NUDT3: variants seen among roughly 807,000 people sequenced by gnomAD.
NUDT3 encodes nudix hydrolase 3.
A neutral mutation model predicts 23.6 loss-of-function variants in NUDT3; 9 were observed. The ratio of observed to expected loss-of-function variants is 0.38; its 90% CI spans 0.23 to 0.66. The LOEUF (loss-of-function observed/expected upper bound fraction) is 0.66, where lower values mean the gene tolerates loss of function less well. Among genes scored for constraint, NUDT3 ranks in the 30% least tolerant of loss-of-function variants. The probability of loss-of-function intolerance (pLI) is 0.52; values close to 1 mark genes in which losing one functional copy is unlikely to be tolerated. For missense variants in NUDT3, 172 were observed against 218.5 expected, an observed-to-expected ratio of 0.79 and a Z score of 1.34; for synonymous variants, 86 against 82.6, an observed-to-expected ratio of 1.04 and a Z score of -0.22.
At chr6:34,329,348 T>G (rs1424943604) in intron 2 of NUDT3, among the ~76,000 whole-genome samples, 1 of 152,328 alleles carries the variant, frequency 6.6e-6, no homozygotes, top group East Asian at 1.9e-4. Context: ...TGGCGCGATC[T>G]CAGCTCACTG....
chr6:34,340,112 A>G (rs1764266733), intron 2 of NUDT3, among the ~76,000 whole-genome samples: 1 of 152,184 alleles, frequency 6.6e-6, no homozygotes, highest in Non-Finnish European at 1.5e-5. Context: ...TGTGTCCTGC[A>G]TTTGAAAAGA....
chr6:34,296,344 C>T (rs1446379002), intron 2 of NUDT3, among the ~76,000 whole-genome samples: 1 of 152,024 alleles, frequency 6.6e-6, no homozygotes, highest in African/African-American at 2.4e-5. Context: ...GAAGCTGAGG[C>T]GGGTGGATCA....
chr6:34,364,958 T>C (rs975238424), intron 1 of NUDT3, among the ~76,000 whole-genome samples: 2 of 152,032 alleles, frequency 1.3e-5, no homozygotes, highest in African/African-American at 4.8e-5. Context: ...GAGGTGGAGC[T>C]TGCAGTGAGC....
At chr6:34,302,501 G>A (rs1256283766) in intron 2 of NUDT3, among the ~76,000 whole-genome samples, 1 of 152,176 alleles carries the variant, frequency 6.6e-6, no homozygotes, top group Non-Finnish European at 1.5e-5. Context: ...GGGAGGCCGA[G>A]GTGGGCAGAT....
intron 1 of NUDT3, among the ~76,000 whole-genome samples, chr6:34,369,494 G>A (rs1764794291): frequency 6.6e-6 from 1 of 152,204 alleles, no homozygotes; most frequent in Admixed American, 6.5e-5. Flanking sequence ...CAAGACAGAG[G>A]AGACGGCTGC....
At chr6:34,359,102 G>A (rs931690547) in intron 1 of NUDT3, among the ~76,000 whole-genome samples, 3 of 152,096 alleles carry the variant, frequency 2.0e-5, no homozygotes, top group South Asian at 4.1e-4. Context: ...GGCCAGGTGC[G>A]GTGGCTCATG....
At chr6:34,296,048 G>A (rs141336001) in intron 2 of NUDT3, among the ~76,000 whole-genome samples, 391 of 152,310 alleles carry the variant, frequency 2.6e-3, no homozygotes, top group African/African-American at 8.8e-3. Flanking sequence ...TGGGAGGATC[G>A]CTTGAGGATA....
chr6:34,296,335 A>C, intron 2 of NUDT3, among the ~76,000 whole-genome samples: 1 of 152,104 alleles, frequency 6.6e-6, no homozygotes, highest in East Asian at 1.9e-4. Context: ...GCACTTTGGG[A>C]AGCTGAGGCG....
chr6:34,352,410 T>C (rs777897466), intron 1 of NUDT3, among the ~76,000 whole-genome samples: 7 of 152,142 alleles, frequency 4.6e-5, no homozygotes, highest in Non-Finnish European at 8.8e-5. Context: ...GCTCAAACAA[T>C]CCATCTGTTT....
chr6:34,346,881 G>A (rs899870359), intron 1 of NUDT3, among the ~76,000 whole-genome samples: 13 of 152,080 alleles, frequency 8.5e-5, no homozygotes, highest in African/African-American at 2.7e-4. Context: ...TCAGCCTCCC[G>A]AGTAGCTGGG....
intron 1 of NUDT3, among the ~76,000 whole-genome samples, chr6:34,354,435 A>ACACACACACACT (rs1210510268): frequency 6.1e-5 from 9 of 146,864 alleles, no homozygotes; most frequent in African/African-American, 1.8e-4. Flanking sequence ...ACACATACAC[A>ACACACACACACT]CTCTTGGCCG....
chr6:34,363,211 C>T (rs572756446), intron 1 of NUDT3, among the ~76,000 whole-genome samples: 1 of 152,296 alleles, frequency 6.6e-6, no homozygotes, highest in East Asian at 1.9e-4. Flanking sequence ...AATATGCTAA[C>T]AGCTACGCCA....
chr6:34,297,234 C>T (rs1763514819), intron 2 of NUDT3, among the ~76,000 whole-genome samples: 1 of 151,930 alleles, frequency 6.6e-6, no homozygotes, highest in African/African-American at 2.4e-5. Flanking sequence ...GCCTGGCCTG[C>T]CTTTTCTTAA....
intron 1 of NUDT3, among the ~76,000 whole-genome samples, chr6:34,347,266 G>T (rs1470875119): frequency 2.0e-5 from 3 of 152,172 alleles, no homozygotes; most frequent in African/African-American, 7.2e-5. Context: ...CTCAACAAAC[G>T]TTCATTAAGT....
At chr6:34,290,284 T>C (rs1763400086) in intron 4 of NUDT3, among the ~76,000 whole-genome samples, 1 of 151,484 alleles carries the variant, frequency 6.6e-6, no homozygotes. Flanking sequence ...ACAGGCTGGA[T>C]TGCAGTGGTA....
At chr6:34,367,916 A>G (rs892464597) in intron 1 of NUDT3, among the ~76,000 whole-genome samples, 2 of 152,116 alleles carry the variant, frequency 1.3e-5, no homozygotes, top group Non-Finnish European at 2.9e-5. Context: ...TAAAAGCTGT[A>G]TCTTGGCCAG....
At chr6:34,311,250 G>C (rs1763767397) in intron 2 of NUDT3, among the ~76,000 whole-genome samples, 1 of 151,702 alleles carries the variant, frequency 6.6e-6, no homozygotes. Context: ...AAGATACAAG[G>C]GTAATGTACA....
chr6:34,346,051 G>A (rs905175306), intron 1 of NUDT3, among the ~76,000 whole-genome samples: 1 of 152,140 alleles, frequency 6.6e-6, no homozygotes, highest in Non-Finnish European at 1.5e-5. Context: ...TTACAGGTGT[G>A]AGCCACCGCG....
chr6:34,350,471 A>G (rs1057227897), intron 1 of NUDT3, among the ~76,000 whole-genome samples: 1 of 151,038 alleles, frequency 6.6e-6, no homozygotes, highest in Non-Finnish European at 1.5e-5. Flanking sequence ...TTCCAGATAA[A>G]TGGACGTATA....
Sources: gnomAD v4.1 joint callset for allele counts (sites outside exome capture counted in the v4.1 genomes callset) on GRCh38, gnomAD v4.1.1 for gene constraint, MANE v1.5 for transcripts, NCBI Gene and HGNC (gene_info 2026-07-23, HGNC 2026-07-21) for gene names.